FOXN3: variants seen among roughly 807,000 people sequenced by gnomAD.
FOXN3 encodes the protein forkhead box N3.
In FOXN3, 7 loss-of-function variants were observed where a neutral mutation model predicts 38.4. The observed-to-expected ratio is 0.18, with a 90% confidence interval of 0.10 to 0.34. The LOEUF (loss-of-function observed/expected upper bound fraction) is 0.34. Among genes scored for constraint, FOXN3 ranks in the 10% least tolerant of loss-of-function variants. The pLI, the probability that FOXN3 is intolerant of heterozygous loss-of-function variation, is 1.00. For missense variants in FOXN3, 456 were observed against 613.4 expected (o/e 0.74, Z 2.71); for synonymous variants, 230 against 242.2 (o/e 0.95, Z 0.47).
chr14:89,529,807 G>A (rs868187678), intron 1 of FOXN3, among the ~76,000 whole-genome samples: 10 of 152,180 alleles, frequency 6.6e-5, no homozygotes, highest in African/African-American at 2.2e-4. Flanking sequence ...TTGGGAGGCT[G>A]AGGTGGGAGG....
At chr14:89,546,836 T>C (rs544015405) in intron 1 of FOXN3, among the ~76,000 whole-genome samples, 1 of 152,106 alleles carries the variant, frequency 6.6e-6, no homozygotes, top group South Asian at 2.1e-4. Context: ...CAGTCTGGAG[T>C]GCAGTGGCGT....
intron 1 of FOXN3, among the ~76,000 whole-genome samples, chr14:89,514,611 A>G (rs1049176483): frequency 3.3e-5 from 5 of 152,236 alleles, no homozygotes; most frequent in African/African-American, 1.2e-4. Context: ...GCACATTATT[A>G]GGTGCAGAGC....
At chr14:89,359,406 G>C (rs551799712) in intron 2 of FOXN3, among the ~76,000 whole-genome samples, 1 of 152,168 alleles carries the variant, frequency 6.6e-6, no homozygotes, top group South Asian at 2.1e-4. Flanking sequence ...GTGCCTGCCT[G>C]ATGGAATAGG....
chr14:89,303,913 G>GT (rs1263285940), intron 3 of FOXN3, among the ~76,000 whole-genome samples: 1 of 152,122 alleles, frequency 6.6e-6, no homozygotes, highest in Non-Finnish European at 1.5e-5. Flanking sequence ...AGGTGATGGG[G>GT]GACAAGACGC....
chr14:89,398,687 C>T (rs563024844), intron 2 of FOXN3, among the ~76,000 whole-genome samples: 2 of 152,074 alleles, frequency 1.3e-5, no homozygotes, highest in Admixed American at 6.6e-5. Flanking sequence ...TATTACTTTT[C>T]TTTTCATTAG....
intron 2 of FOXN3, among the ~76,000 whole-genome samples, chr14:89,369,978 T>C (rs1049464007): frequency 2.0e-5 from 3 of 152,244 alleles, no homozygotes; most frequent in African/African-American, 7.2e-5. Context: ...CTGTATCACT[T>C]CCAAGTCAAA....
chr14:89,340,381 G>A (rs1014651516), intron 3 of FOXN3, among the ~76,000 whole-genome samples: 46 of 152,226 alleles, frequency 3.0e-4, no homozygotes, highest in Non-Finnish European at 6.5e-4. Flanking sequence ...AGAAGATAAG[G>A]ATTTTTTTTA....
At chr14:89,425,888 C>T (rs1892015874) in intron 1 of FOXN3, among the ~76,000 whole-genome samples, 1 of 152,120 alleles carries the variant, frequency 6.6e-6, no homozygotes, top group African/African-American at 2.4e-5. Context: ...ATTTAAGAAG[C>T]TTTTTGAATA....
chr14:89,574,805 G>A (rs1340129402), intron 1 of FOXN3, among the ~76,000 whole-genome samples: 1 of 152,058 alleles, frequency 6.6e-6, no homozygotes, highest in Non-Finnish European at 1.5e-5. Flanking sequence ...ATCTAGACAT[G>A]CAAAGACCTC....
At chr14:89,492,768 C>T (rs1041613139) in intron 1 of FOXN3, among the ~76,000 whole-genome samples, 1 of 152,144 alleles carries the variant, frequency 6.6e-6, no homozygotes, top group Admixed American at 6.5e-5. Context: ...ATTTCAATTC[C>T]CATCTCTGGA....
chr14:89,376,115 T>G (rs1386284066), intron 2 of FOXN3, among the ~76,000 whole-genome samples: 1 of 152,160 alleles, frequency 6.6e-6, no homozygotes, highest in Admixed American at 6.6e-5. Context: ...CATTCTCCAC[T>G]GAAAGGAATC....
chr14:89,611,150 GC>G (rs1474931182), intron 1 of FOXN3, among the ~76,000 whole-genome samples: 1 of 152,176 alleles, frequency 6.6e-6, no homozygotes, highest in African/African-American at 2.4e-5. Context: ...AAAAAATCAA[GC>G]TGAACCCCAA....
chr14:89,175,655 G>A (rs2139789418), intron 5 of FOXN3, among the ~76,000 whole-genome samples: 1 of 152,314 alleles, frequency 6.6e-6, no homozygotes, highest in East Asian at 1.9e-4. Context: ...ACGGCTGCAG[G>A]AGATGGACCG....
intron 3 of FOXN3, among the ~76,000 whole-genome samples, chr14:89,284,089 G>A (rs892157948): frequency 1.3e-5 from 2 of 152,128 alleles, no homozygotes; most frequent in Non-Finnish European, 2.9e-5. Flanking sequence ...GGTTGGTCTC[G>A]AACTCCTGAC....
intron 2 of FOXN3, among the ~76,000 whole-genome samples, chr14:89,360,743 C>T (rs141130848): frequency 0.18 from 17,386 of 96,348 alleles, 1,607 homozygotes; most frequent in East Asian, 0.21. Flanking sequence ...CCTCCAGCAC[C>T]ACCTCCACCA....
At chr14:89,168,109 A>G (rs1487161818) in intron 5 of FOXN3, among the ~76,000 whole-genome samples, 2 of 152,262 alleles carry the variant, frequency 1.3e-5, no homozygotes, top group African/African-American at 2.4e-5. Context: ...ACAAAAATTA[A>G]AAACATTAAA....
intron 1 of FOXN3, among the ~76,000 whole-genome samples, chr14:89,531,920 C>A (rs895248381): frequency 3.3e-5 from 5 of 152,178 alleles, no homozygotes; most frequent in Non-Finnish European, 7.3e-5. Flanking sequence ...AGCGATTCTC[C>A]CCCTCAGCCT....
intron 1 of FOXN3, among the ~76,000 whole-genome samples, chr14:89,517,806 T>G (rs1038327645): frequency 1.3e-5 from 2 of 152,220 alleles, no homozygotes; most frequent in African/African-American, 4.8e-5. Context: ...CTCGCCTCCC[T>G]GCTACCAAGA....
Position 89,216,790 on chromosome 14 carries a change from C to T in FOXN3, c.746-35984G>A, listed in dbSNP as rs1306478896. Among the ~76,000 whole-genome samples, 3 of 152,184 alleles carry T rather than the reference C, an allele frequency of 2.0e-5. No homozygotes were observed. The East Asian group carries it at 5.8e-4, about 29-fold the overall frequency. On this transcript the variant is annotated intron_variant, in intron 4 of 5. Transcript: ENST00000557258. ...ACTTTCTTCCTAAGAAAACTGTTCC[C>T]ACCCCTTAATGAAAATCCACCTTCC...
Sources: gnomAD v4.1 joint callset for allele counts (sites outside exome capture counted in the v4.1 genomes callset) on GRCh38, gnomAD v4.1.1 for gene constraint, MANE v1.5 for transcripts, NCBI Gene and HGNC (gene_info 2026-07-23, HGNC 2026-07-21) for gene names.